SGSM1: variants seen among roughly 807,000 people sequenced by gnomAD.
SGSM1 encodes RUN and TBC1 domain containing 2.
Under a neutral mutation model 133.8 loss-of-function variants are expected in SGSM1, and 73 were observed. The ratio of observed to expected loss-of-function variants is 0.55; its 90% confidence interval spans 0.45 to 0.66. SGSM1 has a LOEUF of 0.66. Among genes scored for constraint, SGSM1 ranks in the 30% least tolerant of loss-of-function variants. The pLI is 0.00. For missense variants in SGSM1, 1,213 were observed against 1,448.1 expected (o/e 0.84, Z 2.64); for synonymous variants, 563 against 573.0 (o/e 0.98, Z 0.25).
intron 9 of SGSM1, among the ~76,000 whole-genome samples, chr22:24,866,041 G>A (rs936442557): frequency 6.6e-6 from 1 of 152,214 alleles, no homozygotes; most frequent in Admixed American, 6.5e-5. Flanking sequence ...AAGGTCTTCT[G>A]AAGGAGATGT....
At chr22:24,856,300 C>A (rs1245378127) in intron 8 of SGSM1, among the ~76,000 whole-genome samples, 1 of 152,166 alleles carries the variant, frequency 6.6e-6, no homozygotes, top group Non-Finnish European at 1.5e-5. Flanking sequence ...AACCTCCCAA[C>A]GACCCTTTGA....
chr22:24,900,754 A>T (rs1282053762), intron 19 of SGSM1, among the ~76,000 whole-genome samples: 1 of 152,190 alleles, frequency 6.6e-6, no homozygotes, highest in East Asian at 1.9e-4. Flanking sequence ...GATACTTCTA[A>T]CAACTGAGGC....
intron 2 of SGSM1, among the ~76,000 whole-genome samples, chr22:24,807,197 C>T (rs910875097): frequency 6.6e-6 from 1 of 152,150 alleles, no homozygotes; most frequent in African/African-American, 2.4e-5. Context: ...AATGACCTCC[C>T]AGAACCCCAT....
At chr22:24,865,076 G>T (rs6004328) in intron 9 of SGSM1, among the ~76,000 whole-genome samples, 18,138 of 152,160 alleles carry the variant, frequency 0.12, 1,142 homozygotes, top group South Asian at 0.24. Flanking sequence ...GAGGGCTGTT[G>T]GTGTCATTTT....
Position 24,927,424 on chromosome 22 carries a change from A to C in SGSM1, c.*3150A>C, listed in dbSNP as rs953685855. 4.6e-5 allele frequency: 7 copies of C among 152,168 alleles called. No homozygotes were observed. Among genetic ancestry groups the C allele is most frequent in the Non-Finnish European group, 1.0e-4 (7 of 68,042 alleles). 9.4% of individuals were successfully genotyped at this position (152,168 alleles called of 1,614,324 possible). Reference sequence around the variant, plus strand: ...AAGTCACATGACTCAGCCCAGCTTCATAGGGTAGGGAAATAGACTGTACTT... The same window carrying C: ...AAGTCACATGACTCAGCCCAGCTTCCTAGGGTAGGGAAATAGACTGTACTT... On this transcript the variant is annotated 3_prime_UTR_variant, in exon 25 of 25. Coordinates refer to ENST00000400358, the MANE Select transcript of SGSM1 (RefSeq NM_001098497.3).
At chr22:24,809,715 G>A (rs1927621460) in intron 2 of SGSM1, among the ~76,000 whole-genome samples, 1 of 152,186 alleles carries the variant, frequency 6.6e-6, no homozygotes, top group Non-Finnish European at 1.5e-5. Flanking sequence ...CCTTGTAGAT[G>A]GGCCCTGTCC....
rs1464720029 is a variant in SGSM1, at chr22:24,924,230, C to T, written c.3238C>T (p.Arg1080Trp). Residue 1080 changes from arginine (R) to tryptophan (W), a missense_variant, in exon 25 of 25, where the codon CGG becomes TGG. Transcript: ENST00000400358. ...HNTKQVLKLARDLVYKVQTLI... is the reference protein window; with the variant it reads ...HNTKQVLKLAWDLVYKVQTLI... ...CACCAAGCAAGTCCTGAAGCTGGCG[C>T]GGGACCTCGTGTACAAGGTGCAGAC... 6.8e-6 allele frequency: 11 copies of T among 1,613,836 alleles called. No homozygotes were observed. The highest frequency in any genetic ancestry group is 2.2e-5 in the East Asian group (1 of 44,886).
intron 5 of SGSM1, among the ~76,000 whole-genome samples, chr22:24,853,559 A>G (rs751830671): frequency 6.6e-5 from 10 of 152,244 alleles, no homozygotes; most frequent in South Asian, 2.1e-4. Flanking sequence ...TTGGACTTAC[A>G]GTTCCACATG....
intron 16 of SGSM1, among the ~76,000 whole-genome samples, chr22:24,890,519 C>T (rs1209281270): frequency 2.0e-5 from 3 of 151,968 alleles, no homozygotes; most frequent in Non-Finnish European, 4.4e-5. Flanking sequence ...CCAGATTTTG[C>T]ATCTGCTTGT....
intron 2 of SGSM1, among the ~76,000 whole-genome samples, chr22:24,830,636 A>G (rs903444374): frequency 7.8e-5 from 5 of 64,442 alleles, no homozygotes; most frequent in Non-Finnish European, 1.8e-4. Context: ...TAACATTGGG[A>G]ACCAGGAACC....
intron 14 of SGSM1, among the ~76,000 whole-genome samples, chr22:24,880,917 G>A (rs985925545): frequency 7.2e-5 from 11 of 152,352 alleles, no homozygotes; most frequent in South Asian, 2.1e-4. Flanking sequence ...ATGGGCAGGC[G>A]CGGTGGCTTG....
chr22:24,860,881 C>A, intron 9 of SGSM1, among the ~76,000 whole-genome samples: 1 of 105,664 alleles, frequency 9.5e-6, no homozygotes, highest in Non-Finnish European at 1.8e-5. Flanking sequence ...GCCTGGGTGA[C>A]AGAGCGAGAC....
intron 24 of SGSM1, among the ~76,000 whole-genome samples, chr22:24,921,128 C>A (rs1375344958): frequency 6.7e-6 from 1 of 149,890 alleles, no homozygotes. Context: ...GAGACGGAGT[C>A]TCACTCTGTT....
At chr22:24,890,808 C>G (rs1229780957) in intron 16 of SGSM1, among the ~76,000 whole-genome samples, 1 of 152,190 alleles carries the variant, frequency 6.6e-6, no homozygotes, top group Non-Finnish European at 1.5e-5. Context: ...TCCCAAAGTC[C>G]TGGGATTACA....
At chr22:24,876,206 C>T (rs1403523137) in intron 12 of SGSM1, among the ~76,000 whole-genome samples, 1 of 152,204 alleles carries the variant, frequency 6.6e-6, no homozygotes, top group Admixed American at 6.5e-5. Context: ...AGGCCTGTCT[C>T]TTCTCCAGAA....
intron 23 of SGSM1, among the ~76,000 whole-genome samples, chr22:24,919,225 AT>A (rs1933923685): frequency 6.8e-6 from 1 of 147,862 alleles, no homozygotes. Context: ...TTTTTTTTGT[AT>A]TTTTAGTCGA....
chr22:24,884,301 C>A, intron 15 of SGSM1, 103 bp downstream of exon 15: 1 of 1,433,758 alleles, frequency 7.0e-7, no homozygotes, highest in South Asian at 1.5e-5. Flanking sequence ...CTTGAGCTGA[C>A]GTGCTTGGAT....
intron 2 of SGSM1, 36 bp from the exon 3 acceptor site, chr22:24,844,861 T>C: frequency 6.2e-7 from 1 of 1,610,184 alleles, no homozygotes; most frequent in Non-Finnish European, 8.5e-7. Flanking sequence ...TTGGTCACCT[T>C]GGACCTCTTC....
chr22:24,833,512 G>T (rs999834407), intron 2 of SGSM1, among the ~76,000 whole-genome samples: 2 of 152,022 alleles, frequency 1.3e-5, no homozygotes, highest in Non-Finnish European at 2.9e-5. Flanking sequence ...ACAAAAATCA[G>T]CTGGGCGTGG....
Sources: allele counts gnomAD v4.1 joint callset (sites outside exome capture counted in the v4.1 genomes callset), GRCh38; gene constraint gnomAD v4.1.1; transcripts MANE v1.5; gene names NCBI Gene and HGNC (gene_info 2026-07-23, HGNC 2026-07-21).